Variants in ITGAM observed in about 807,000 individuals in gnomAD.
The protein encoded by ITGAM is integrin subunit alpha M, also known as integrin alpha-M.
Under a neutral mutation model 137.5 loss-of-function variants are expected in ITGAM, and 79 were observed. The observed-to-expected ratio is 0.57, with a 90% CI of 0.48 to 0.69. ITGAM has a LOEUF of 0.69. ITGAM is among the 30% of genes least tolerant of loss of function. The probability of loss-of-function intolerance (pLI) is 0.00; values close to 1 mark genes in which losing one functional copy is unlikely to be tolerated. For missense variants in ITGAM, 1,343 were observed against 1,483.5 expected, an observed-to-expected ratio of 0.91 and a Z score of 1.56; for synonymous variants, 583 against 592.3, an observed-to-expected ratio of 0.98 and a Z score of 0.23.
chr16:31,282,427 G>C (rs759466948), intron 12 of ITGAM, among the ~76,000 whole-genome samples: 1 of 152,106 alleles, frequency 6.6e-6, no homozygotes, highest in African/African-American at 2.4e-5. Flanking sequence ...TATATACTTA[G>C]GATTGTTGGC....
intron 14 of ITGAM, among the ~76,000 whole-genome samples, chr16:31,309,481 C>CT (rs1251316092): frequency 6.8e-6 from 1 of 146,376 alleles, no homozygotes; most frequent in African/African-American, 2.6e-5. Context: ...CAACCCCTGC[C>CT]TTTTTTTGTT....
chr16:31,276,877 C>T (rs1195334234), intron 10 of ITGAM, 43 bp from the exon 11 acceptor site: 2 of 1,597,784 alleles, frequency 1.3e-6, no homozygotes, highest in African/African-American at 2.7e-5. Context: ...CAGCGGTTGT[C>T]CCTTCTTCCT....
rs759821138 is a variant in ITGAM at position 31,325,276 on chromosome 16, G to T, written c.2377G>T (p.Val793Leu). 6.2e-7 allele frequency: 1 copy of T among 1,612,590 alleles called. No individual in the cohort carries two copies. The highest frequency in any genetic ancestry group is 2.2e-5 in the East Asian group (1 of 44,890). ...TFSFMSLDCL[V>L]VGGPREFNVT... Reference sequence around the variant, plus strand: ...TTCTTCCCACAGCCTGGACTGCCTCGTGGTGGGTGGGCCCCGGGAGTTCAA... The same window carrying T: ...TTCTTCCCACAGCCTGGACTGCCTCTTGGTGGGTGGGCCCCGGGAGTTCAA... Residue 793 changes from valine to leucine, a missense_variant, in exon 20 of 30, where the codon GTG becomes TTG. Transcript: ENST00000544665.
chr16:31,311,430 A>G (rs1332693992), intron 14 of ITGAM, among the ~76,000 whole-genome samples: 1 of 152,192 alleles, frequency 6.6e-6, no homozygotes, highest in Non-Finnish European at 1.5e-5. Context: ...ACTCAAACAA[A>G]TTTACAAGAA....
At chr16:31,288,886 A>T (rs1182423556) in intron 12 of ITGAM, among the ~76,000 whole-genome samples, 10 of 152,166 alleles carry the variant, frequency 6.6e-5, no homozygotes, top group Non-Finnish European at 1.5e-4. Flanking sequence ...ATCCAGAATC[A>T]TCAAAGAACT....
chr16:31,298,204 C>CAAA (rs61202942), intron 14 of ITGAM, among the ~76,000 whole-genome samples: 9,757 of 77,438 alleles, frequency 0.13, 525 homozygotes, highest in African/African-American at 0.15. Flanking sequence ...CCCATCTCTC[C>CAAA]AAAAAAAAAA....
chr16:31,331,764 C>T lies in ITGAM; in HGVS notation c.*57C>T, dbSNP rs1388380949. ...GGCCAGCAGGACTCTGCCCAGACCACACGTAGCCCCCAGGCTGCTGGACAC... is the reference window on the plus strand; with the variant it reads ...GGCCAGCAGGACTCTGCCCAGACCATACGTAGCCCCCAGGCTGCTGGACAC... On this transcript the variant is annotated 3_prime_UTR_variant, in exon 30 of 30. Coordinates refer to ENST00000544665, the MANE Select transcript of ITGAM (RefSeq NM_000632.4). 7.4e-7 allele frequency: 1 copy of T among 1,343,396 alleles called. No individual in the cohort carries two copies. Among genetic ancestry groups the T allele is most frequent in the Non-Finnish European group, 1.0e-6 (1 of 974,248 alleles). 83.2% of individuals were successfully genotyped at this position (1,343,396 alleles called of 1,614,324 possible).
chr16:31,331,510 T>TCCC (rs1597046429), intron 29 of ITGAM, 126 bp from the exon 30 acceptor site: 7 of 600,814 alleles, frequency 1.2e-5, no homozygotes, highest in East Asian at 2.9e-5. Flanking sequence ...CGGATGTCAC[T>TCCC]CCCCTCCCGC....
chr16:31,271,808 G>A (rs1420111932), intron 6 of ITGAM, 39 bp from the exon 7 acceptor site: 1 of 1,611,824 alleles, frequency 6.2e-7, no homozygotes, highest in Non-Finnish European at 8.5e-7. Flanking sequence ...AGGGGTGGGG[G>A]CACCTTCTCC....
At chr16:31,319,451 A>G (rs775005968) in intron 14 of ITGAM, among the ~76,000 whole-genome samples, 1 of 152,040 alleles carries the variant, frequency 6.6e-6, no homozygotes, top group Non-Finnish European at 1.5e-5. Context: ...TTTTTGACTT[A>G]AAGTCTATTT....
intron 12 of ITGAM, among the ~76,000 whole-genome samples, chr16:31,286,778 T>A (rs552149427): frequency 1.3e-5 from 2 of 152,216 alleles, no homozygotes; most frequent in South Asian, 2.1e-4. Flanking sequence ...TTGCAAATAT[T>A]TTCTCCCATT....
At position 31,261,689 on chromosome 16, in the gene ITGAM, T is replaced by C. The variant is rs773961322; in HGVS notation, c.29-3T>C. 3.7e-6 allele frequency: 6 copies of C among 1,601,484 alleles called. No homozygotes were observed. In the South Asian group the frequency reaches 5.6e-5, roughly 15 times the overall value. On this transcript the variant is annotated splice_polypyrimidine_tract_variant and splice_region_variant and intron_variant, in intron 1 of 29. Transcript: ENST00000544665. ...CTTGATCCTTCCCCCATTCTCCCTTTAGCCTTGACCTTATGTCATGGGTTC... is the reference window on the plus strand; with the variant it reads ...CTTGATCCTTCCCCCATTCTCCCTTCAGCCTTGACCTTATGTCATGGGTTC...
chr16:31,323,043 AGAG>A (rs2080466390), intron 16 of ITGAM, among the ~76,000 whole-genome samples: 1 of 152,032 alleles, frequency 6.6e-6, no homozygotes, highest in Non-Finnish European at 1.5e-5. Flanking sequence ...GAGGAGAGAG[AGAG>A]AGAGAGAAAG....
chr16:31,327,945 TAGA>T (rs2080525544), intron 22 of ITGAM, 199 bp from the exon 23 acceptor site: 1 of 574,408 alleles, frequency 1.7e-6, no homozygotes, highest in Non-Finnish European at 3.1e-6. Context: ...GGGGACCAGT[TAGA>T]AGAAGGTGGT....
chr16:31,281,542 A>G (rs568200284), intron 12 of ITGAM, among the ~76,000 whole-genome samples: 2 of 152,214 alleles, frequency 1.3e-5, no homozygotes, highest in South Asian at 4.1e-4. Flanking sequence ...GGTAGTTTGT[A>G]TTTCTGTGGG....
At chr16:31,261,875 G>A in intron 2 of ITGAM, 78 bp downstream of exon 2, 1 of 808,234 alleles carries the variant, frequency 1.2e-6, no homozygotes, top group South Asian at 1.5e-5. Context: ...TCAGCGATTT[G>A]AGTGATCTTT....
At chr16:31,328,548 C>A (rs1043401459) in intron 23 of ITGAM, among the ~76,000 whole-genome samples, 2 of 145,616 alleles carry the variant, frequency 1.4e-5, no homozygotes, top group Non-Finnish European at 3.0e-5. Flanking sequence ...TGTATTTGTG[C>A]GTGTGTGTGA....
chr16:31,273,892 C>T (rs958739646), intron 8 of ITGAM, among the ~76,000 whole-genome samples: 5 of 152,192 alleles, frequency 3.3e-5, no homozygotes, highest in Non-Finnish European at 5.9e-5. Context: ...ACTGGGGTGA[C>T]TTGGCCCTTT....
At position 31,330,580 on chromosome 16, in the gene ITGAM, G is replaced by T; in HGVS notation, c.3251G>T (p.Gly1084Val). ...GATTCCGTGTTCACCCTGCTGCCGG[G>T]ACAGGGGGCGTTTGTGAGGTCCCAG... is the stretch of plus-strand genomic sequence containing the variant. ...FNDSVFTLLPGQGAFVRSQTE... is the reference protein window; with the variant it reads ...FNDSVFTLLPVQGAFVRSQTE... Residue 1084 changes from glycine (G) to valine (V), a missense_variant, in exon 28 of 30, where the codon GGA becomes GTA. Transcript: ENST00000544665. 1.2e-6 allele frequency: 2 copies of T among 1,611,856 alleles called. No individual in the cohort carries two copies. The highest frequency in any genetic ancestry group is 2.2e-5 in the South Asian group (2 of 90,766).
Sources: allele counts gnomAD v4.1 joint callset (sites outside exome capture counted in the v4.1 genomes callset), GRCh38; gene constraint gnomAD v4.1.1; transcripts MANE v1.5; gene names NCBI Gene and HGNC (gene_info 2026-07-23, HGNC 2026-07-21).